Variants in SLC27A6 observed in about 807,000 individuals in gnomAD.
The protein encoded by SLC27A6 is long-chain fatty acid transport protein 6.
SLC27A6 carries 74 observed loss-of-function variants against 63.9 expected under a neutral mutation model. The observed-to-expected ratio is 1.16, with a 90% confidence interval of 0.96 to 1.40. The LOEUF (loss-of-function observed/expected upper bound fraction) is 1.40, where lower values mean the gene tolerates loss of function less well. Among genes scored for constraint, SLC27A6 ranks in the 40% most tolerant of loss-of-function variants. The probability of loss-of-function intolerance (pLI) is 0.00; values close to 1 mark genes in which losing one functional copy is unlikely to be tolerated. For missense variants in SLC27A6, 794 were observed against 732.9 expected (o/e 1.08, Z -0.96); for synonymous variants, 287 against 260.8 (o/e 1.10, Z -0.97).
chr5:128,990,774 C>T (rs1173341517), intron 4 of SLC27A6, among the ~76,000 whole-genome samples: 1 of 152,156 alleles, frequency 6.6e-6, no homozygotes, highest in African/African-American at 2.4e-5. Context: ...TGGAACCCAG[C>T]GACTAGTGTT....
chr5:128,971,707 T>G (rs568806252), intron 1 of SLC27A6, among the ~76,000 whole-genome samples: 36 of 152,320 alleles, frequency 2.4e-4, no homozygotes, highest in African/African-American at 8.7e-4. Flanking sequence ...GGGTCTTGAC[T>G]CTTTATCCAA....
intron 1 of SLC27A6, among the ~76,000 whole-genome samples, chr5:128,971,231 T>C (rs2150126882): frequency 6.6e-6 from 1 of 152,244 alleles, no homozygotes; most frequent in Middle Eastern, 3.4e-3. Flanking sequence ...GAATGTATAT[T>C]CTGTTGATTT....
chr5:128,966,390 G>A lies in SLC27A6; in HGVS notation c.253G>A (p.Val85Ile). ...YEGDIYTYQD[V>I]DKRSSRVAHV... ...GGGAGACATCTACACCTATCAGGAT[G>A]TAGACAAAAGGAGCAGCAGAGTGGC... Residue 85 changes from valine to isoleucine, a missense_variant, in exon 1 of 10, where the codon GTA becomes ATA. Coordinates refer to ENST00000262462, the MANE Select transcript of SLC27A6 (RefSeq NM_001017372.3). 6.2e-7 allele frequency: 1 copy of A among 1,613,002 alleles called. No individual in the cohort carries two copies. The highest frequency in any genetic ancestry group is 8.5e-7 in the Non-Finnish European group (1 of 1,179,530).
At chr5:128,991,151 A>G (rs1167416454) in intron 4 of SLC27A6, among the ~76,000 whole-genome samples, 2 of 152,148 alleles carry the variant, frequency 1.3e-5, no homozygotes, top group East Asian at 3.9e-4. Flanking sequence ...CTCAGGTGAT[A>G]GATGATTGAC....
In SLC27A6 at chr5:129,031,751, C is replaced by T. The variant is rs554926274; in HGVS notation, c.1684-1355C>T. Among the ~76,000 whole-genome samples the T allele has an allele frequency of 2.6e-3, 388 of 151,812 alleles. 2 individuals carry two copies. The highest frequency in any genetic ancestry group is 8.9e-3 in the African/African-American group (370 of 41,450). ...TTCAATTTTGAAGAAAATTACAGGA[C>T]CCAGGAAAATATACTTTGTATAATA... On this transcript the variant is annotated intron_variant, in intron 9 of 9. Coordinates refer to ENST00000262462, the MANE Select transcript of SLC27A6 (RefSeq NM_001017372.3).
intron 1 of SLC27A6, among the ~76,000 whole-genome samples, chr5:128,981,514 C>G (rs560612352): frequency 6.6e-6 from 1 of 151,562 alleles, no homozygotes; most frequent in African/African-American, 2.4e-5. Flanking sequence ...CCAGTTGTCT[C>G]ATTTTCCTGC....
At chr5:128,968,350 A>G (rs1408248224) in intron 1 of SLC27A6, among the ~76,000 whole-genome samples, 1 of 152,122 alleles carries the variant, frequency 6.6e-6, no homozygotes, top group Non-Finnish European at 1.5e-5. Flanking sequence ...GTCTTCCACA[A>G]TGGTTGAACT....
At chr5:129,017,648 A>G (rs1751947537) in intron 5 of SLC27A6, among the ~76,000 whole-genome samples, 1 of 152,170 alleles carries the variant, frequency 6.6e-6, no homozygotes, top group Non-Finnish European at 1.5e-5. Context: ...CACAAATAAT[A>G]TCAGGAATGG....
At chr5:129,003,727 T>G (rs1016783153) in intron 4 of SLC27A6, among the ~76,000 whole-genome samples, 1 of 151,920 alleles carries the variant, frequency 6.6e-6, no homozygotes, top group Non-Finnish European at 1.5e-5. Context: ...CCCAGTTACT[T>G]GGGAGGCTGA....
chr5:129,015,870 A>C lies in SLC27A6; in HGVS notation c.970-15A>C. ...AACTGGAACTAATTACAAGTAAAACATTTTCTTCTAACAGAGAGAAGGAGA... is the reference window on the plus strand; with the variant it reads ...AACTGGAACTAATTACAAGTAAAACCTTTTCTTCTAACAGAGAGAAGGAGA... On this transcript the variant is annotated splice_polypyrimidine_tract_variant and intron_variant, in intron 4 of 9. Coordinates refer to ENST00000262462, the MANE Select transcript of SLC27A6 (RefSeq NM_001017372.3). The C allele has an allele frequency of 1.3e-6, 2 of 1,549,714 alleles. No homozygotes were observed. Among genetic ancestry groups the C allele is most frequent in the Non-Finnish European group, 1.7e-6 (2 of 1,151,828 alleles).
intron 1 of SLC27A6, among the ~76,000 whole-genome samples, chr5:128,980,822 A>G (rs1296075741): frequency 1.3e-5 from 2 of 152,222 alleles, no homozygotes; most frequent in African/African-American, 2.4e-5. Flanking sequence ...ATCAATTCCC[A>G]TGCCATATCT....
In SLC27A6 at chr5:128,985,025, A is replaced by C; in HGVS notation, c.482-108A>C. On this transcript the variant is annotated intron_variant, in intron 1 of 9. Coordinates refer to ENST00000262462, the MANE Select transcript of SLC27A6 (RefSeq NM_001017372.3). ...ACTTATCCAACATAAGAAGGAAATC[A>C]GCATTTTATTTACATTTTATCCCTG... 6 of 722,720 alleles carry C rather than the reference A, an allele frequency of 8.3e-6. 1 individual carries two copies. The highest frequency in any genetic ancestry group is 1.4e-5 in the Non-Finnish European group (6 of 435,206). The allele number at this position is 722,720 out of a possible 1,614,324, so 44.8% of individuals were successfully genotyped here.
rs775925497 is a variant in SLC27A6 at position 129,023,712 on chromosome 5, T to C, written c.1255+2T>C. ...GTTGGTGTATTCATGTGAAAAAAGG[T>C]AAGACTTCTATTTGAAGACATCTCC... On this transcript the variant is annotated splice_donor_variant, in intron 6 of 9. Coordinates refer to ENST00000262462, the MANE Select transcript of SLC27A6 (RefSeq NM_001017372.3). LOFTEE classifies it high-confidence loss of function. The C allele has an allele frequency of 8.8e-6, 14 of 1,594,498 alleles. No individual in the cohort carries two copies. Among genetic ancestry groups the C allele is most frequent in the South Asian group, 3.3e-5 (3 of 89,634 alleles).
rs780459732 is a variant in SLC27A6, at chr5:128,966,528, G to C, written c.391G>C (p.Val131Leu). 5 of 1,597,502 alleles carry C rather than the reference G, an allele frequency of 3.1e-6. No homozygotes were observed. The highest frequency in any genetic ancestry group is 4.3e-6 in the Non-Finnish European group (5 of 1,173,806). Residue 131 changes from valine (V) to leucine (L), a missense_variant, in exon 1 of 10, where the codon GTG (valine) becomes CTG (leucine). Val to Leu is a conservative substitution (Grantham distance 32). Transcript: ENST00000262462. Reference sequence around the variant, plus strand: ...GTTCGGCCTCGCCAAGCTGGGCTGCGTGGTGGCCTTTCTCAACACCAACAT... The same window carrying C: ...GTTCGGCCTCGCCAAGCTGGGCTGCCTGGTGGCCTTTCTCAACACCAACAT... ...VWFGLAKLGC[V>L]VAFLNTNIRS...
At position 129,027,263 on chromosome 5, in the gene SLC27A6, T is replaced by C; in HGVS notation, c.1386T>C (p.Thr462=). The change falls in exon 7 of 10, where the codon ACT becomes ACC. Residue 462 remains threonine, a synonymous_variant. Transcript: ENST00000262462. ...VFKKGDVYLN[T]GDLIVQDQDN... is the part of the protein sequence containing the mutation. ...AGAAGGGAGATGTTTACCTTAATAC[T>C]GGAGACTTAATAGTCCAGGATCAGG... 6.2e-7 allele frequency: 1 copy of C among 1,613,176 alleles called. No homozygotes were observed. The highest frequency in any genetic ancestry group is 1.1e-5 in the South Asian group (1 of 91,072).
intron 5 of SLC27A6, among the ~76,000 whole-genome samples, chr5:129,016,283 C>G (rs1195591777): frequency 6.7e-6 from 1 of 149,488 alleles, no homozygotes; most frequent in African/African-American, 2.5e-5. Flanking sequence ...GTAGTCCCAA[C>G]TAGTTGGGAG....
intron 1 of SLC27A6, among the ~76,000 whole-genome samples, chr5:128,979,498 A>G (rs1450094840): frequency 6.6e-6 from 1 of 152,152 alleles, no homozygotes; most frequent in African/African-American, 2.4e-5. Context: ...AAATATATAT[A>G]TCATTTACTT....
In SLC27A6 at chr5:129,033,506, C is replaced by G. The variant is rs1752475498; in HGVS notation, c.*224C>G. 1.3e-5 allele frequency: 3 copies of G among 236,570 alleles called. No homozygotes were observed. Among genetic ancestry groups the G allele is most frequent in the African/African-American group, 2.3e-5 (1 of 44,330 alleles). The allele number at this position is 236,570 out of a possible 1,614,324, so 14.7% of individuals were successfully genotyped here. On this transcript the variant is annotated 3_prime_UTR_variant, in exon 10 of 10. Coordinates refer to ENST00000262462, the MANE Select transcript of SLC27A6 (RefSeq NM_001017372.3). ...ATCTATTTGGAGATTCAGTGCATAA[C>G]TAAGTATTTTCCTTAATACTAAAGA...
intron 4 of SLC27A6, among the ~76,000 whole-genome samples, chr5:128,999,934 G>T (rs1751279158): frequency 6.6e-6 from 1 of 152,180 alleles, no homozygotes; most frequent in Non-Finnish European, 1.5e-5. Context: ...GAAGCAAAGA[G>T]TTCCAAGCAT....
Sources: gnomAD v4.1 joint callset for allele counts (sites outside exome capture counted in the v4.1 genomes callset) on GRCh38, gnomAD v4.1.1 for gene constraint, MANE v1.5 for transcripts, NCBI Gene and HGNC (gene_info 2026-07-23, HGNC 2026-07-21) for gene names.